The following CUX2 variants were observed in gnomAD, a reference collection of about 807,000 sequenced individuals.
CUX2 encodes homeobox protein cut-like 2.
Under a neutral mutation model 144.8 loss-of-function variants are expected in CUX2, and 40 were observed. The ratio of observed to expected loss-of-function variants is 0.28; its 90% CI spans 0.21 to 0.36. The LOEUF (loss-of-function observed/expected upper bound fraction) is 0.36, where lower values mean the gene tolerates loss of function less well. CUX2 is among the 10% of genes least tolerant of loss of function. The pLI is 1.00. For synonymous variants in CUX2, 827 were observed against 875.6 expected (o/e 0.94, Z 0.98); for missense variants, 1,615 against 1,994.0 (o/e 0.81, Z 3.62).
chr12:111,108,658 C>T (rs1006993877), intron 1 of CUX2, among the ~76,000 whole-genome samples: 4 of 151,666 alleles, frequency 2.6e-5, no homozygotes, highest in Non-Finnish European at 5.9e-5. Context: ...CTCTCTCTTC[C>T]CCCACCCCAT....
In CUX2 at chr12:111,034,757, G is replaced by A. The variant is rs1869336084; in HGVS notation, c.63+517G>A. ...AGGAGGAGGAGGAGAGAGGAGGAGG[G>A]AGCCGGGGTTGGCGAGGAGGCGGCT... On this transcript the variant is annotated intron_variant, in intron 1 of 21. Transcript: ENST00000261726. The surrounding 1 kb of genome is among the most constrained non-coding windows in gnomAD (Gnocchi z 4.2). Among the ~76,000 whole-genome samples, 1 of 150,556 alleles carries A rather than the reference G, an allele frequency of 6.6e-6. No homozygotes were observed. Among genetic ancestry groups the A allele is most frequent in the Non-Finnish European group, 1.5e-5 (1 of 67,128 alleles).
intron 3 of CUX2, among the ~76,000 whole-genome samples, chr12:111,248,750 C>T (rs1469644746): frequency 6.6e-6 from 1 of 152,192 alleles, no homozygotes; most frequent in Non-Finnish European, 1.5e-5. Context: ...AGACGGCTGA[C>T]ACCCAGCTCC....
At chr12:111,288,642 C>T (rs1701156869) in intron 4 of CUX2, among the ~76,000 whole-genome samples, 1 of 152,036 alleles carries the variant, frequency 6.6e-6, no homozygotes, top group Admixed American at 6.6e-5. Flanking sequence ...GCCTGACCAA[C>T]ATGGTGAAAC....
In CUX2 at chr12:111,308,311, C is replaced by T; in HGVS notation, c.1136C>T (p.Ser379Phe). 6.2e-7 allele frequency: 1 copy of T among 1,614,178 alleles called. No homozygotes were observed. Among genetic ancestry groups the T allele is most frequent in the Non-Finnish European group, 8.5e-7 (1 of 1,180,028 alleles). Reference sequence around the variant, plus strand: ...ATCCTGAAAGCCATGAAGCTGGCCTCCAGCACCTGCAGCCTCCCCCAGGTA... The same window carrying T: ...ATCCTGAAAGCCATGAAGCTGGCCTTCAGCACCTGCAGCCTCCCCCAGGTA... ...LSILKAMKLA[S>F]STCSLPQGMA... is the part of the protein sequence containing the mutation. Residue 379 changes from serine to phenylalanine, a missense_variant, in exon 13 of 22, where the codon TCC (serine) becomes TTC (phenylalanine). Ser to Phe is a radical substitution (Grantham distance 155, BLOSUM62 -2). Around this residue, in one of 12 missense-constraint regions of CUX2, gnomAD observed 57 missense variants for 60.8 expected, o/e 0.94. Coordinates refer to ENST00000261726, the MANE Select transcript of CUX2 (RefSeq NM_015267.4).
At chr12:111,209,406 G>A (rs965083852) in intron 1 of CUX2, among the ~76,000 whole-genome samples, 1 of 152,094 alleles carries the variant, frequency 6.6e-6, no homozygotes, top group Non-Finnish European at 1.5e-5. Context: ...AAAAAATTTT[G>A]TAATTCACTA....
chr12:111,128,797 T>C (rs1875253776), intron 1 of CUX2, among the ~76,000 whole-genome samples: 1 of 152,222 alleles, frequency 6.6e-6, no homozygotes, highest in Non-Finnish European at 1.5e-5. Flanking sequence ...TGTCGAAGAC[T>C]CCAGATAGCA....
At chr12:111,278,134 G>A (rs964480324) in intron 4 of CUX2, among the ~76,000 whole-genome samples, 1 of 152,108 alleles carries the variant, frequency 6.6e-6, no homozygotes, top group African/African-American at 2.4e-5. Flanking sequence ...TAACACTCAC[G>A]GGCAGGACGT....
At chr12:111,288,685 G>A (rs1053060211) in intron 4 of CUX2, among the ~76,000 whole-genome samples, 10 of 152,060 alleles carry the variant, frequency 6.6e-5, no homozygotes, top group African/African-American at 9.7e-5. Context: ...AAATTTGGCC[G>A]GGCGCAGTAG....
rs572883234 is a variant in CUX2 at position 111,160,629 on chromosome 12, C to T, written c.64-53571C>T. Among the ~76,000 whole-genome samples the T allele has an allele frequency of 1.3e-5, 2 of 152,110 alleles. No individual in the cohort carries two copies. The highest frequency in any genetic ancestry group is 6.5e-5 in the Admixed American group (1 of 15,268). ...ACGAAGGGGCCTGGGTTTTTGTCTC[C>T]ATGTCCAGGGAGCCAATGGAGGGCT... is the stretch of plus-strand genomic sequence containing the variant. On this transcript the variant is annotated intron_variant, in intron 1 of 21. Coordinates refer to ENST00000261726, the MANE Select transcript of CUX2 (RefSeq NM_015267.4). This position sits in a 1 kb window ranked among gnomAD's most constrained non-coding sequence, Gnocchi z 4.1.
intron 1 of CUX2, among the ~76,000 whole-genome samples, chr12:111,163,440 T>C (rs545824112): frequency 1.3e-5 from 2 of 152,166 alleles, no homozygotes; most frequent in Non-Finnish European, 2.9e-5. Context: ...GTGACTTATA[T>C]ATGAGCCTGG....
intron 14 of CUX2, among the ~76,000 whole-genome samples, chr12:111,309,186 T>TA: frequency 6.6e-6 from 1 of 152,292 alleles, no homozygotes; most frequent in Non-Finnish European, 1.5e-5. Flanking sequence ...ATTACAGGCA[T>TA]AAGCCACCGC....
chr12:111,268,737 C>T (rs777808337), intron 4 of CUX2, among the ~76,000 whole-genome samples: 3 of 152,348 alleles, frequency 2.0e-5, no homozygotes, highest in South Asian at 2.1e-4. Flanking sequence ...CATTCCTTGC[C>T]GCCTTTTTGC....
chr12:111,310,156 C>T lies in CUX2; in HGVS notation c.1374C>T (p.Ser458=). The change falls in exon 15 of 22, where the codon AGC becomes AGT. Residue 458 remains serine, a synonymous_variant. Transcript: ENST00000261726. The surrounding 1 kb of genome is among the most constrained non-coding windows in gnomAD (Gnocchi z 7.9). ...PPGPEDPLSP[S]PGQPLLGPSL... is the part of the protein sequence containing the mutation. ...GGCCAGAAGACCCCCTGTCTCCCAG[C>T]CCCGGGCAGCCCCTGCTGGGCCCCA... 1 of 1,549,482 alleles carries T rather than the reference C, an allele frequency of 6.5e-7. No individual in the cohort carries two copies. Among genetic ancestry groups the T allele is most frequent in the Non-Finnish European group, 8.7e-7 (1 of 1,149,402 alleles).
At position 111,090,744 on chromosome 12, in the gene CUX2, C is replaced by T. The variant is rs577371290; in HGVS notation, c.63+56504C>T. On this transcript the variant is annotated intron_variant, in intron 1 of 21. Transcript: ENST00000261726. Reference sequence around the variant, plus strand: ...CAAGAGGCCCCTCATGTTAGAGATACAAGCTCCATCATTTTGTCCGGTGGT... The same window carrying T: ...CAAGAGGCCCCTCATGTTAGAGATATAAGCTCCATCATTTTGTCCGGTGGT... Among the ~76,000 whole-genome samples the T allele has an allele frequency of 2.6e-5, 4 of 152,238 alleles. No homozygotes were observed. The South Asian group carries it at 8.3e-4, about 32-fold the overall frequency.
chr12:111,231,194 C>T (rs1471612871), intron 3 of CUX2, among the ~76,000 whole-genome samples: 5 of 152,104 alleles, frequency 3.3e-5, no homozygotes. Flanking sequence ...CCATTGAATA[C>T]TAATTCCCCC....
intron 1 of CUX2, among the ~76,000 whole-genome samples, chr12:111,163,124 C>T (rs1228429157): frequency 2.0e-5 from 3 of 152,040 alleles, no homozygotes; most frequent in Non-Finnish European, 4.4e-5. Context: ...GCTGCCTGAC[C>T]TTGAGCTTGA....
chr12:111,319,212 G>A (rs1407143878), intron 16 of CUX2, among the ~76,000 whole-genome samples: 2 of 152,030 alleles, frequency 1.3e-5, no homozygotes, highest in Non-Finnish European at 2.9e-5. Flanking sequence ...ACTTTGGGAG[G>A]CCCAGGCAGG....
intron 1 of CUX2, among the ~76,000 whole-genome samples, chr12:111,172,844 C>T (rs550356355): frequency 5.3e-5 from 8 of 152,334 alleles, no homozygotes; most frequent in Admixed American, 3.3e-4. Flanking sequence ...AGCCAGATGT[C>T]CACACTAAGA....
At chr12:111,116,690 A>G (rs1304779089) in intron 1 of CUX2, among the ~76,000 whole-genome samples, 2 of 152,198 alleles carry the variant, frequency 1.3e-5, no homozygotes, top group Admixed American at 1.3e-4. Context: ...GACCAGAGAT[A>G]GTTTACTCTG....
Sources: gnomAD v4.1 joint callset for allele counts (sites outside exome capture counted in the v4.1 genomes callset) on GRCh38, gnomAD v4.1.1 for gene constraint, gnomAD v4.1.1 regional missense constraint, Gnocchi (gnomAD v3.1) non-coding constraint, MANE v1.5 for transcripts, NCBI Gene and HGNC (gene_info 2026-07-23, HGNC 2026-07-21) for gene names.